Variants in RAD51B observed in about 807,000 individuals in gnomAD.
RAD51B encodes DNA repair protein RAD51 homolog 2.
RAD51B carries 38 observed loss-of-function variants against 42.2 expected under a neutral mutation model. The observed-to-expected ratio is 0.90, with a 90% CI of 0.70 to 1.18. The LOEUF is 1.18. RAD51B is among the 50% of genes most tolerant of loss of function. RAD51B has a pLI of 0.00. For missense variants in RAD51B, 373 were observed against 400.7 expected (o/e 0.93, Z 0.59); for synonymous variants, 154 against 145.2 (o/e 1.06, Z -0.43).
chr14:67,845,461 A>C (rs2041579696), intron 4 of RAD51B, among the ~76,000 whole-genome samples: 1 of 152,102 alleles, frequency 6.6e-6, no homozygotes, highest in Non-Finnish European at 1.5e-5. Context: ...TGAGCCCAGG[A>C]GTTTGAGACC....
chr14:67,993,988 TA>T (rs1302078400), intron 7 of RAD51B, among the ~76,000 whole-genome samples: 1 of 152,188 alleles, frequency 6.6e-6, no homozygotes, highest in Non-Finnish European at 1.5e-5. Context: ...ATAACAGCTG[TA>T]TTATAACTAT....
At position 68,097,404 on chromosome 14, in the gene RAD51B, C is replaced by T. The variant is rs550371926; in HGVS notation, c.757-194480C>T. On this transcript the variant is annotated intron_variant, in intron 7 of 10. Transcript: ENST00000471583. ...AATGGATTGACTTTTTCTGCTTGTTCTTCTGTCTGTTGCCTAGTAGATGTC... is the reference window on the plus strand; with the variant it reads ...AATGGATTGACTTTTTCTGCTTGTTTTTCTGTCTGTTGCCTAGTAGATGTC... Among the ~76,000 whole-genome samples the T allele has an allele frequency of 2.6e-5, 4 of 152,056 alleles. No individual in the cohort carries two copies. In the East Asian group the frequency reaches 5.8e-4, roughly 22 times the overall value.
chr14:68,609,934 G>C (rs749457017), intron 10 of RAD51B, among the ~76,000 whole-genome samples: 32 of 150,576 alleles, frequency 2.1e-4, no homozygotes, highest in Admixed American at 3.3e-4. Flanking sequence ...CTCCATCCCC[G>C]TGCTTTTTAC....
chr14:68,155,578 G>C (rs1165248107), intron 7 of RAD51B, among the ~76,000 whole-genome samples: 5 of 152,154 alleles, frequency 3.3e-5, no homozygotes, highest in African/African-American at 1.2e-4. Context: ...GGGGAACCAA[G>C]TGATTTTTGG....
chr14:68,461,902 G>T (rs1038244933), intron 9 of RAD51B, among the ~76,000 whole-genome samples: 1 of 152,202 alleles, frequency 6.6e-6, no homozygotes, highest in Non-Finnish European at 1.5e-5. Context: ...ATAGGCCTCT[G>T]TGTTTCTACT....
At chr14:67,971,837 T>C (rs995833248) in intron 7 of RAD51B, among the ~76,000 whole-genome samples, 6 of 151,928 alleles carry the variant, frequency 3.9e-5, no homozygotes, top group African/African-American at 1.5e-4. Flanking sequence ...AATTTCTCCA[T>C]CTGTAAAATG....
At chr14:68,663,933 C>T (rs1892984950) in intron 11 of RAD51B, among the ~76,000 whole-genome samples, 1 of 152,188 alleles carries the variant, frequency 6.6e-6, no homozygotes, top group Non-Finnish European at 1.5e-5. Context: ...AATTTAGCAT[C>T]AGGTGCATTA....
chr14:68,540,461 T>C (rs756717855), intron 10 of RAD51B: 14 of 985,264 alleles, frequency 1.4e-5, no homozygotes, highest in Non-Finnish European at 1.7e-5. Context: ...GATCTTACTC[T>C]TCATGTGGAA....
intron 7 of RAD51B, among the ~76,000 whole-genome samples, chr14:68,184,092 C>CAAAAA (rs148664784): frequency 8.8e-6 from 1 of 113,266 alleles, no homozygotes; most frequent in African/African-American, 3.5e-5. Flanking sequence ...GACTCCATCT[C>CAAAAA]AAAAAAAAAA....
At chr14:68,654,945 C>T (rs1350210397) in intron 11 of RAD51B, among the ~76,000 whole-genome samples, 1 of 152,168 alleles carries the variant, frequency 6.6e-6, no homozygotes, top group Non-Finnish European at 1.5e-5. Flanking sequence ...GCTCCCTCCC[C>T]CCCTGCCTTC....
chr14:68,122,974 C>A (rs1039036450), intron 7 of RAD51B, among the ~76,000 whole-genome samples: 6 of 152,102 alleles, frequency 3.9e-5, no homozygotes, highest in African/African-American at 1.4e-4. Flanking sequence ...CACACACACA[C>A]ACACACAGAC....
chr14:68,019,313 T>C (rs1467592573), intron 7 of RAD51B, among the ~76,000 whole-genome samples: 1 of 152,136 alleles, frequency 6.6e-6, no homozygotes, highest in Admixed American at 6.5e-5. Context: ...GCAAATTCTA[T>C]AGTGAATTCA....
intron 7 of RAD51B, among the ~76,000 whole-genome samples, chr14:68,178,715 G>A (rs929786354): frequency 3.9e-5 from 6 of 152,186 alleles, no homozygotes; most frequent in Admixed American, 1.3e-4. Context: ...GAATGTGGGT[G>A]CAAGAGAGAA....
intron 7 of RAD51B, among the ~76,000 whole-genome samples, chr14:67,985,738 C>CA (rs780250572): frequency 0.011 from 1,473 of 133,830 alleles, 13 homozygotes; most frequent in African/African-American, 0.031. Context: ...CACATCTCTA[C>CA]AAAAAAAAAA....
intron 8 of RAD51B, among the ~76,000 whole-genome samples, chr14:68,318,470 G>T (rs1412136676): frequency 6.6e-6 from 1 of 152,178 alleles, no homozygotes; most frequent in African/African-American, 2.4e-5. Flanking sequence ...CTAAATTTAA[G>T]TTGCTAAGAC....
chr14:67,990,662 A>G (rs959697248), intron 7 of RAD51B, among the ~76,000 whole-genome samples: 1 of 152,156 alleles, frequency 6.6e-6, no homozygotes, highest in Admixed American at 6.5e-5. Flanking sequence ...ATTATTGGTT[A>G]TGACTATTTA....
chr14:68,618,904 C>A (rs949040279), intron 10 of RAD51B, among the ~76,000 whole-genome samples: 1 of 152,162 alleles, frequency 6.6e-6, no homozygotes, highest in African/African-American at 2.4e-5. Context: ...CTCTGCTTCA[C>A]AGGCTAACCC....
At chr14:68,094,937 T>C (rs2077167017) in intron 7 of RAD51B, among the ~76,000 whole-genome samples, 1 of 152,220 alleles carries the variant, frequency 6.6e-6, no homozygotes. Flanking sequence ...TATGTTTTTT[T>C]CCTGAGGTGA....
rs902473614 is a variant in RAD51B, at chr14:67,874,969, T to C, written c.452+9830T>C. ...TATTGAAATAATGTTTTTGGAGAAATAAAATGGATAAAGGAAAGTAAAGTT... is the reference window on the plus strand; with the variant it reads ...TATTGAAATAATGTTTTTGGAGAAACAAAATGGATAAAGGAAAGTAAAGTT... On this transcript the variant is annotated intron_variant, in intron 5 of 10. Coordinates refer to ENST00000471583, the MANE Select transcript of RAD51B (RefSeq NM_133510.4). Among the ~76,000 whole-genome samples the C allele has an allele frequency of 7.9e-5, 12 of 151,916 alleles. No homozygotes were observed. The East Asian group carries it at 1.2e-3, about 15-fold the overall frequency.
Sources: allele counts gnomAD v4.1 joint callset (sites outside exome capture counted in the v4.1 genomes callset), GRCh38; gene constraint gnomAD v4.1.1; transcripts MANE v1.5; gene names NCBI Gene and HGNC (gene_info 2026-07-23, HGNC 2026-07-21).